The following CEP350 variants were observed in gnomAD, a reference collection of about 807,000 sequenced individuals.
CEP350 encodes the protein centrosomal protein 350.
CEP350 carries 126 observed loss-of-function variants against 331.8 expected under a neutral mutation model. The observed-to-expected ratio is 0.38, with a 90% CI of 0.33 to 0.44. The LOEUF is 0.44. Ranked by LOEUF, CEP350 falls within the 20% of genes least tolerant of loss-of-function variation. The pLI, the probability that CEP350 is intolerant of heterozygous loss-of-function variation, is 1.00. For missense variants in CEP350, 3,406 were observed against 3,634.6 expected, an observed-to-expected ratio of 0.94 and a Z score of 1.62; for synonymous variants, 1,200 against 1,259.5, an observed-to-expected ratio of 0.95 and a Z score of 1.00.
chr1:179,957,335 A>T (rs1044682109), intron 1 of CEP350, among the ~76,000 whole-genome samples: 10 of 152,174 alleles, frequency 6.6e-5, no homozygotes, highest in Non-Finnish European at 1.2e-4. Context: ...TTTTTGCAAC[A>T]TGAGGCAAAT....
chr1:179,986,774 A>G (rs2148667721), intron 2 of CEP350, among the ~76,000 whole-genome samples: 1 of 152,362 alleles, frequency 6.6e-6, no homozygotes, highest in South Asian at 2.1e-4. Context: ...TATGGAAAAT[A>G]CACGACCTTA....
chr1:180,004,588 T>A (rs1432137407), intron 7 of CEP350, among the ~76,000 whole-genome samples: 1 of 152,252 alleles, frequency 6.6e-6, no homozygotes, highest in Non-Finnish European at 1.5e-5. Context: ...TTGTCTTCAA[T>A]TTGTCTCCTC....
At position 179,954,925 on chromosome 1, in the gene CEP350, C is replaced by A. The variant is rs980054003; in HGVS notation, c.-231C>A. ...CAGGGAGCCGCAGCTCGGGGGGTGG[C>A]TTGCCCTGAGGGAGGGGAGGCAGCC... On this transcript the variant is annotated 5_prime_UTR_variant, in exon 1 of 38. Transcript: ENST00000367607. 6.4e-6 allele frequency: 5 copies of A among 785,502 alleles called. No homozygotes were observed. Among genetic ancestry groups the A allele is most frequent in the Non-Finnish European group, 9.0e-6 (5 of 554,036 alleles). The allele number at this position is 785,502 out of a possible 1,614,324, so 48.7% of individuals were successfully genotyped here.
At chr1:179,957,800 A>G (rs1199731980) in intron 1 of CEP350, among the ~76,000 whole-genome samples, 1 of 152,214 alleles carries the variant, frequency 6.6e-6, no homozygotes, top group Non-Finnish European at 1.5e-5. Context: ...TGATTTGCCT[A>G]GGTGCTCTGG....
chr1:179,990,541 C>T lies in CEP350; in HGVS notation c.155C>T (p.Pro52Leu), dbSNP rs1250583609. 6.2e-7 allele frequency: 1 copy of T among 1,602,668 alleles called. No homozygotes were observed. The highest frequency in any genetic ancestry group is 1.1e-5 in the South Asian group (1 of 88,570). Residue 52 changes from proline (P) to leucine (L), a missense_variant, in exon 4 of 38, where the codon CCT becomes CTT. This residue lies in a region of CEP350 where 1,857 missense variants were observed against 1,909.2 expected (regional missense o/e 0.97). Coordinates refer to ENST00000367607, the MANE Select transcript of CEP350 (RefSeq NM_014810.5). ...ATTGAAAATAAATTAGAAGTAGCCC[C>T]TACAAGTACAGCTGTGTGTGATTCT... Reference protein sequence around the residue: ...RHIENKLEVAPTSTAVCDSVM... With the variant: ...RHIENKLEVALTSTAVCDSVM...
intron 17 of CEP350, among the ~76,000 whole-genome samples, chr1:180,040,820 A>G (rs899184647): frequency 8.5e-5 from 13 of 152,152 alleles, no homozygotes; most frequent in Non-Finnish European, 1.8e-4. Context: ...ATTTTTACAC[A>G]TAGGACATTT....
chr1:180,042,132 T>A (rs202159616), intron 19 of CEP350, among the ~76,000 whole-genome samples: 8,351 of 146,812 alleles, frequency 0.057, 351 homozygotes, highest in African/African-American at 0.11. Flanking sequence ...GAGTTTTCTC[T>A]CACACACACA....
intron 31 of CEP350, among the ~76,000 whole-genome samples, chr1:180,084,577 G>A (rs1659749214): frequency 6.6e-6 from 1 of 152,138 alleles, no homozygotes; most frequent in Admixed American, 6.5e-5. Flanking sequence ...TGTTAGCGAG[G>A]ATGGTCTCGA....
chr1:180,105,353 T>C (rs1305965205), intron 37 of CEP350, among the ~76,000 whole-genome samples: 1 of 152,066 alleles, frequency 6.6e-6, no homozygotes, highest in East Asian at 1.9e-4. Flanking sequence ...TCTCATGGCT[T>C]TGACTACGAT....
rs1313942370 is a variant in CEP350 at position 180,018,857 on chromosome 1, C to T, written c.2175-1092C>T. On this transcript the variant is annotated intron_variant, in intron 11 of 37. Transcript: ENST00000367607. Reference sequence around the variant, plus strand: ...CCTCATGTTCGTCTTCTCTTTCTTTCTTTTTTTTTTTTTTTTTCTGAGACA... The same window carrying T: ...CCTCATGTTCGTCTTCTCTTTCTTTTTTTTTTTTTTTTTTTTTCTGAGACA... Among the ~76,000 whole-genome samples, 355 of 142,044 alleles carry T rather than the reference C, an allele frequency of 2.5e-3. 43 individuals are homozygous for T. The highest frequency in any genetic ancestry group is 3.9e-3 in the East Asian group (19 of 4,926). The allele number at this position is 142,044 out of a possible 152,430, so 93.2% of individuals were successfully genotyped here.
At chr1:180,104,019 ATATT>A (rs1017916072) in intron 37 of CEP350, among the ~76,000 whole-genome samples, 30 of 143,938 alleles carry the variant, frequency 2.1e-4, no homozygotes, top group African/African-American at 7.5e-4. Flanking sequence ...ATACAAATAT[ATATT>A]TTAAAATATA....
At chr1:179,998,595 C>G (rs945328392) in intron 6 of CEP350, among the ~76,000 whole-genome samples, 1 of 152,000 alleles carries the variant, frequency 6.6e-6, no homozygotes, top group Non-Finnish European at 1.5e-5. Context: ...CGTGAATCAC[C>G]ACACCCAGCC....
intron 37 of CEP350, among the ~76,000 whole-genome samples, chr1:180,100,628 G>A (rs758441360): frequency 2.0e-5 from 3 of 152,134 alleles, no homozygotes; most frequent in African/African-American, 7.2e-5. Flanking sequence ...TTAATATATC[G>A]TTTACACACA....
chr1:179,955,189 C>T (rs1558059204), intron 1 of CEP350, 47 bp downstream of exon 1: 2 of 1,304,234 alleles, frequency 1.5e-6, no homozygotes, highest in Non-Finnish European at 2.0e-6. Context: ...CTCGCTCAGC[C>T]TCAACTGTCT....
intron 26 of CEP350, among the ~76,000 whole-genome samples, chr1:180,064,751 T>C (rs1658443663): frequency 6.6e-6 from 1 of 152,136 alleles, no homozygotes; most frequent in African/African-American, 2.4e-5. Context: ...ATAGTTATAG[T>C]CTAATTTTTT....
chr1:180,055,883 A>G (rs1380106215), intron 25 of CEP350, among the ~76,000 whole-genome samples: 1 of 152,014 alleles, frequency 6.6e-6, no homozygotes, highest in Non-Finnish European at 1.5e-5. Flanking sequence ...TGTCTTTTTA[A>G]TCCAAAAAAT....
At chr1:179,966,994 T>G (rs781696427) in intron 1 of CEP350, among the ~76,000 whole-genome samples, 1 of 152,128 alleles carries the variant, frequency 6.6e-6, no homozygotes, top group Non-Finnish European at 1.5e-5. Context: ...ATTAAAAACC[T>G]TAGACAAATT....
At chr1:180,090,879 G>C in intron 33 of CEP350, 83 bp downstream of exon 33, 1 of 1,163,058 alleles carries the variant, frequency 8.6e-7, no homozygotes, top group Non-Finnish European at 1.1e-6. Context: ...TACCTCTATA[G>C]CTTTTTTATT....
At chr1:180,058,983 T>G (rs187881631) in intron 25 of CEP350, among the ~76,000 whole-genome samples, 1 of 152,312 alleles carries the variant, frequency 6.6e-6, no homozygotes, top group East Asian at 1.9e-4. Flanking sequence ...CACATAAAAA[T>G]AACCATTTTA....
Sources: allele counts gnomAD v4.1 joint callset (sites outside exome capture counted in the v4.1 genomes callset), GRCh38; gene constraint gnomAD v4.1.1; regional missense constraint gnomAD v4.1.1; transcripts MANE v1.5; gene names NCBI Gene and HGNC (gene_info 2026-07-23, HGNC 2026-07-21).